Variants in SPIRE2 observed in about 807,000 individuals in gnomAD.
The protein encoded by SPIRE2 is spire type actin nucleation factor 2, also known as protein spire homolog 2.
In SPIRE2, 76 loss-of-function variants were observed where a neutral mutation model predicts 80.7. The ratio of observed to expected loss-of-function variants is 0.94; its 90% CI spans 0.78 to 1.14. SPIRE2 has a LOEUF of 1.14. Ranked by LOEUF, SPIRE2 falls within the 50% of genes most tolerant of loss-of-function variation. The pLI is 0.00. For synonymous variants in SPIRE2, 535 were observed against 432.6 expected, an observed-to-expected ratio of 1.24 and a Z score of -2.94; for missense variants, 1,196 against 1,015.3, an observed-to-expected ratio of 1.18 and a Z score of -2.42.
intron 1 of SPIRE2, among the ~76,000 whole-genome samples, chr16:89,832,975 C>G (rs1369918603): frequency 6.8e-6 from 1 of 146,028 alleles, no homozygotes; most frequent in Non-Finnish European, 1.5e-5. Context: ...GTGCCTGCCA[C>G]CAAACCCAGC....
At chr16:89,838,190 T>G (rs13331870) in intron 1 of SPIRE2, among the ~76,000 whole-genome samples, 1 of 87,218 alleles carries the variant, frequency 1.1e-5, no homozygotes, top group Non-Finnish European at 2.2e-5. Context: ...TTTTTTTTTG[T>G]ATTTTTAAGA....
intron 1 of SPIRE2, among the ~76,000 whole-genome samples, chr16:89,832,138 G>A (rs1351792334): frequency 6.6e-6 from 1 of 152,244 alleles, no homozygotes; most frequent in Admixed American, 6.5e-5. Flanking sequence ...GGGGCTCTGG[G>A]CCCAGGAAGC....
intron 12 of SPIRE2, among the ~76,000 whole-genome samples, 157 bp downstream of exon 12, chr16:89,864,018 A>C (rs62056092): frequency 6.6e-6 from 1 of 152,140 alleles, no homozygotes; most frequent in Non-Finnish European, 1.5e-5. Flanking sequence ...ATGAGGAGTT[A>C]AATTTTAAAT....
chr16:89,834,419 C>T (rs1355583764), intron 1 of SPIRE2, among the ~76,000 whole-genome samples: 3 of 133,866 alleles, frequency 2.2e-5, no homozygotes, highest in Admixed American at 7.6e-5. Flanking sequence ...CCTGCCCGCA[C>T]TCGCGGTTGG....
Position 89,850,541 on chromosome 16 carries a change from G to T in SPIRE2, c.526G>T (p.Ala176Ser), listed in dbSNP as rs1417162402. 1.3e-6 allele frequency: 2 copies of T among 1,513,432 alleles called. No homozygotes were observed. Among genetic ancestry groups the T allele is most frequent in the East Asian group, 4.9e-5 (2 of 40,986 alleles). The allele number at this position is 1,513,432 out of a possible 1,614,324, so 93.8% of individuals were successfully genotyped here. Reference sequence around the variant, plus strand: ...CTTTGCCCAGGCCATGCGGCTGTGCGCGGCGCGGCTGACCGACCCCCGGGG... The same window carrying T: ...CTTTGCCCAGGCCATGCGGCTGTGCTCGGCGCGGCTGACCGACCCCCGGGG... The part of the protein sequence containing the change: ...RTFAQAMRLC[A>S]ARLTDPRGAQ... Residue 176 changes from alanine (A) to serine (S), a missense_variant, in exon 3 of 15, where the codon GCG becomes TCG. Coordinates refer to ENST00000378247, the MANE Select transcript of SPIRE2 (RefSeq NM_032451.2).
intron 1 of SPIRE2, among the ~76,000 whole-genome samples, chr16:89,829,225 G>A (rs112896921): frequency 1.3e-5 from 2 of 152,230 alleles, no homozygotes; most frequent in African/African-American, 4.8e-5. Flanking sequence ...GGTGGAAGGT[G>A]GGGGGCTGCG....
In SPIRE2 at chr16:89,859,209, C is replaced by G. The variant is rs2041720393; in HGVS notation, c.1317C>G (p.Arg439=). Reference sequence around the variant, plus strand: ...GGGAGGTGACGCTGAAACGGGACCGCTCCTTCTCAGAGCATGACCTGGCCC... The same window carrying G: ...GGGAGGTGACGCTGAAACGGGACCGGTCCTTCTCAGAGCATGACCTGGCCC... ...PCGEVTLKRD[R]SFSEHDLAQL... Residue 439 remains arginine, a synonymous_variant, in exon 9 of 15, where the codon CGC becomes CGG. Coordinates refer to ENST00000378247, the MANE Select transcript of SPIRE2 (RefSeq NM_032451.2). The G allele has an allele frequency of 3.1e-6, 5 of 1,602,580 alleles. No individual in the cohort carries two copies. The highest frequency in any genetic ancestry group is 3.4e-6 in the Non-Finnish European group (4 of 1,174,560).
At chr16:89,842,030 AAAT>A (rs1275420769) in intron 1 of SPIRE2, among the ~76,000 whole-genome samples, 1 of 149,662 alleles carries the variant, frequency 6.7e-6, no homozygotes, top group Non-Finnish European at 1.5e-5. Flanking sequence ...ACCCCACAGT[AAAT>A]AATTTTTTAA....
At position 89,863,474 on chromosome 16, in the gene SPIRE2, A is replaced by G; in HGVS notation, c.1576-2A>G. Reference sequence around the variant, plus strand: ...GACTTCCTACCTGAGGCCGTCCCCTAGGAGTTCAGCCACCCCGTGGAGAGC... The same window carrying G: ...GACTTCCTACCTGAGGCCGTCCCCTGGGAGTTCAGCCACCCCGTGGAGAGC... On this transcript the variant is annotated splice_acceptor_variant, in intron 10 of 14. Transcript: ENST00000378247. LOFTEE classifies it high-confidence loss of function. The surrounding 1 kb of genome is among the most constrained non-coding windows in gnomAD (Gnocchi z 4.3). 1 of 1,613,924 alleles carries G rather than the reference A, an allele frequency of 6.2e-7. No homozygotes were observed. Among genetic ancestry groups the G allele is most frequent in the Non-Finnish European group, 8.5e-7 (1 of 1,179,998 alleles).
intron 1 of SPIRE2, among the ~76,000 whole-genome samples, chr16:89,834,888 C>T (rs1254042496): frequency 1.9e-4 from 21 of 108,962 alleles, no homozygotes; most frequent in Admixed American, 5.0e-4. Flanking sequence ...GCACTCGCAG[C>T]TGGCCGTCGT....
At chr16:89,832,772 T>C (rs1387989594) in intron 1 of SPIRE2, among the ~76,000 whole-genome samples, 1 of 152,134 alleles carries the variant, frequency 6.6e-6, no homozygotes, top group African/African-American at 2.4e-5. Flanking sequence ...GGCTGAGCAG[T>C]GCCCTTCCAT....
Position 89,850,382 on chromosome 16 carries a change from C to G in SPIRE2, c.367C>G (p.Pro123Ala), listed in dbSNP as rs1291356436. Residue 123 changes from proline (P) to alanine (A), a missense_variant, in exon 3 of 15, where the codon CCT becomes GCT. Coordinates refer to ENST00000378247, the MANE Select transcript of SPIRE2 (RefSeq NM_032451.2). ...LDESEERELS[P>A]QLERLIDLMA... is the part of the protein sequence containing the mutation. ...CGAGAGCGAGGAGCGCGAACTCAGC[C>G]CTCAGCTGGAGCGGCTCATCGACCT... 2 of 1,599,434 alleles carry G rather than the reference C, an allele frequency of 1.3e-6. No individual in the cohort carries two copies. The highest frequency in any genetic ancestry group is 4.5e-5 in the East Asian group (2 of 44,276).
chr16:89,836,186 C>CAA (rs1455425533), intron 1 of SPIRE2: 2 of 455,832 alleles, frequency 4.4e-6, no homozygotes, highest in Non-Finnish European at 8.8e-6. Context: ...AAAACAAAAA[C>CAA]AAAACAAACA....
intron 9 of SPIRE2, among the ~76,000 whole-genome samples, chr16:89,859,820 C>G (rs1398844435): frequency 6.6e-6 from 1 of 152,136 alleles, no homozygotes. Context: ...GTCCTACCAC[C>G]GTGAGGGCTG....
At chr16:89,850,820 T>C (rs2041618938) in intron 3 of SPIRE2, among the ~76,000 whole-genome samples, 160 bp downstream of exon 3, 2 of 151,004 alleles carry the variant, frequency 1.3e-5, no homozygotes, top group African/African-American at 4.8e-5. Flanking sequence ...CCTCACGCTT[T>C]CTTGTTGTTT....
intron 3 of SPIRE2, among the ~76,000 whole-genome samples, chr16:89,853,165 A>G (rs563428043): frequency 1.3e-5 from 2 of 152,238 alleles, no homozygotes; most frequent in South Asian, 4.1e-4. Flanking sequence ...TTTCTTACCC[A>G]GTGAAAGCTC....
At chr16:89,860,541 A>G (rs1284610578) in intron 9 of SPIRE2, 142 bp from the exon 10 acceptor site, 2 of 607,028 alleles carry the variant, frequency 3.3e-6, no homozygotes, top group African/African-American at 3.8e-5. Context: ...CTGCCCGTGT[A>G]GCTACTGCCC....
chr16:89,853,419 G>A (rs552229233), intron 3 of SPIRE2, among the ~76,000 whole-genome samples: 2 of 152,244 alleles, frequency 1.3e-5, no homozygotes, highest in African/African-American at 2.4e-5. Flanking sequence ...GGGTGTAGCT[G>A]TGTCTGTTGG....
intron 3 of SPIRE2, among the ~76,000 whole-genome samples, chr16:89,853,912 A>G (rs778609249): frequency 1.3e-5 from 2 of 152,228 alleles, no homozygotes; most frequent in Non-Finnish European, 2.9e-5. Flanking sequence ...CACCCAAGCC[A>G]TGCACAAAGA....
Sources: allele counts gnomAD v4.1 joint callset (sites outside exome capture counted in the v4.1 genomes callset), GRCh38; gene constraint gnomAD v4.1.1; non-coding constraint Gnocchi (gnomAD v3.1); transcripts MANE v1.5; gene names NCBI Gene and HGNC (gene_info 2026-07-23, HGNC 2026-07-21).